RPF2: variants seen among roughly 807,000 people sequenced by gnomAD.
The protein encoded by RPF2 is brix domain containing 1.
In RPF2, 21 loss-of-function variants were observed where a neutral mutation model predicts 38.9. The observed-to-expected ratio is 0.54, with a 90% CI of 0.38 to 0.78. RPF2 has a LOEUF of 0.78. Among genes scored for constraint, RPF2 ranks in the 30% least tolerant of loss-of-function variants. RPF2 has a pLI of 0.00. For missense variants in RPF2, 314 were observed against 358.1 expected, an observed-to-expected ratio of 0.88 and a Z score of 0.99; for synonymous variants, 121 against 126.2, an observed-to-expected ratio of 0.96 and a Z score of 0.28.
chr6:111,025,580 TGATG>T lies in RPF2; in HGVS notation c.*1_*4del. ...AAAGTCAAAAAGAATTAAAAAAAAT[TGATG>T]GAACTTAGCCAGCCACTACTGTTTC... is the stretch of plus-strand genomic sequence containing the variant. On this transcript the variant is annotated stop_retained_variant and 3_prime_UTR_variant, in exon 10 of 10. Coordinates refer to ENST00000441448, the MANE Select transcript of RPF2 (RefSeq NM_032194.3). The T allele has an allele frequency of 6.2e-7, 1 of 1,603,456 alleles. No homozygotes were observed. The highest frequency in any genetic ancestry group is 8.5e-7 in the Non-Finnish European group (1 of 1,176,754).
At chr6:111,023,356 G>A (rs1772266360) in intron 8 of RPF2, among the ~76,000 whole-genome samples, 1 of 152,192 alleles carries the variant, frequency 6.6e-6, no homozygotes, top group South Asian at 2.1e-4. Context: ...GTAAATGTCT[G>A]TGCTATGAGG....
At chr6:111,012,311 C>T (rs1265728730) in intron 7 of RPF2, among the ~76,000 whole-genome samples, 2 of 151,888 alleles carry the variant, frequency 1.3e-5, no homozygotes, top group Non-Finnish European at 2.9e-5. Context: ...GCTGGGACCA[C>T]AGGTACACGT....
chr6:110,984,816 G>A (rs1164561094), intron 1 of RPF2, among the ~76,000 whole-genome samples, 190 bp from the exon 2 acceptor site: 2 of 151,048 alleles, frequency 1.3e-5, no homozygotes, highest in African/African-American at 4.9e-5. Flanking sequence ...CTCCAGCCTG[G>A]GTGACAGAGT....
chr6:111,007,593 C>A (rs1468246904), intron 6 of RPF2, among the ~76,000 whole-genome samples: 1 of 152,032 alleles, frequency 6.6e-6, no homozygotes, highest in Non-Finnish European at 1.5e-5. Flanking sequence ...TCACAGACAT[C>A]ATTTTGGAAC....
chr6:111,016,168 T>C (rs1474024653), intron 8 of RPF2, among the ~76,000 whole-genome samples: 1 of 152,212 alleles, frequency 6.6e-6, no homozygotes. Flanking sequence ...AATCCTTGGC[T>C]AGGCAAAGCA....
chr6:111,007,592 T>C (rs1771933965), intron 6 of RPF2, among the ~76,000 whole-genome samples: 1 of 152,088 alleles, frequency 6.6e-6, no homozygotes, highest in Non-Finnish European at 1.5e-5. Flanking sequence ...TTCACAGACA[T>C]CATTTTGGAA....
intron 2 of RPF2, among the ~76,000 whole-genome samples, chr6:110,987,363 A>G (rs2114290729): frequency 6.6e-6 from 1 of 152,248 alleles, no homozygotes; most frequent in South Asian, 2.1e-4. Flanking sequence ...CTGGCTTTGA[A>G]TATATTTTAA....
chr6:111,026,049 C>T lies in RPF2; in HGVS notation c.*467C>T, dbSNP rs1373690739. 2.0e-5 allele frequency: 3 copies of T among 152,478 alleles called. No homozygotes were observed. The highest frequency in any genetic ancestry group is 4.8e-5 in the African/African-American group (2 of 41,422). The allele number at this position is 152,478 out of a possible 1,614,324, so 9.4% of individuals were successfully genotyped here. A position where few individuals can be genotyped will look rare whatever the true frequency, so the allele number is the denominator to read the frequency against. On this transcript the variant is annotated 3_prime_UTR_variant, in exon 10 of 10. Coordinates refer to ENST00000441448, the MANE Select transcript of RPF2 (RefSeq NM_032194.3). ...TTTTGCCTGAAATCCTACTCGTTGACATTTGAGATTTTAAGCTTTGTGGCT... is the reference window on the plus strand; with the variant it reads ...TTTTGCCTGAAATCCTACTCGTTGATATTTGAGATTTTAAGCTTTGTGGCT...
intron 2 of RPF2, among the ~76,000 whole-genome samples, chr6:110,988,510 A>C (rs1228592987): frequency 2.0e-5 from 3 of 150,334 alleles, no homozygotes; most frequent in Admixed American, 6.7e-5. Context: ...ATCACGGTTC[A>C]CCACAGCCTC....
intron 2 of RPF2, 64 bp from the exon 3 acceptor site, chr6:110,988,964 T>C: frequency 6.4e-7 from 1 of 1,551,972 alleles, no homozygotes; most frequent in Non-Finnish European, 8.7e-7. Context: ...GTTATGATGC[T>C]TTATTTTTAT....
At position 111,020,063 on chromosome 6, in the gene RPF2, C is replaced by T. The variant is rs1327022902; in HGVS notation, c.597-4120C>T. On this transcript the variant is annotated intron_variant, in intron 8 of 9. Coordinates refer to ENST00000441448, the MANE Select transcript of RPF2 (RefSeq NM_032194.3). ...CCAAGTAGCTGGAACTACTGGCACCCGCCACCACGCCCGGCTAATTTTATT... is the reference window on the plus strand; with the variant it reads ...CCAAGTAGCTGGAACTACTGGCACCTGCCACCACGCCCGGCTAATTTTATT... Among the ~76,000 whole-genome samples, 5 of 151,792 alleles carry T rather than the reference C, an allele frequency of 3.3e-5. No individual in the cohort carries two copies. The South Asian group carries it at 6.3e-4, about 19-fold the overall frequency.
chr6:111,000,649 T>C (rs1437666807), intron 6 of RPF2, among the ~76,000 whole-genome samples: 2 of 152,202 alleles, frequency 1.3e-5, no homozygotes, highest in Non-Finnish European at 2.9e-5. Flanking sequence ...TGGGTACAAA[T>C]TGGGCTTCTG....
At chr6:111,014,141 GTT>G (rs112613781) in intron 7 of RPF2, among the ~76,000 whole-genome samples, 4 of 137,606 alleles carry the variant, frequency 2.9e-5, no homozygotes, top group Non-Finnish European at 4.7e-5. Context: ...TGTTTTTTGG[GTT>G]TTTTTTTTTT....
chr6:110,991,913 G>A, intron 4 of RPF2, 127 bp downstream of exon 4: 1 of 349,840 alleles, frequency 2.9e-6, no homozygotes, highest in Non-Finnish European at 5.4e-6. Context: ...GGAATTTTGT[G>A]TAAAATGGAG....
At position 111,015,776 on chromosome 6, in the gene RPF2, A is replaced by T. The variant is rs769064933; in HGVS notation, c.516A>T (p.Val172=). The T allele has an allele frequency of 1.2e-6, 2 of 1,611,362 alleles. No homozygotes were observed. Among genetic ancestry groups the T allele is most frequent in the Admixed American group, 3.3e-5 (2 of 60,004 alleles). The change falls in exon 8 of 10, where the codon GTA becomes GTT. Residue 172 remains valine, a synonymous_variant. Coordinates refer to ENST00000441448, the MANE Select transcript of RPF2 (RefSeq NM_032194.3). ...TAGATTTCTTCAGAGGCCCCACAGT[A>T]TCAAATATCCGCCTGGCTGGATTAG... ...LLIDFFRGPT[V]SNIRLAGLEY...
At chr6:111,008,015 T>C (rs1771944669) in intron 6 of RPF2, 23 bp from the exon 7 acceptor site, 6 of 1,532,834 alleles carry the variant, frequency 3.9e-6, no homozygotes, top group Non-Finnish European at 3.5e-6. Context: ...AATTATATAA[T>C]TGCTTTTTTT....
chr6:110,989,826 T>C (rs1399538961), intron 3 of RPF2, among the ~76,000 whole-genome samples: 1 of 152,252 alleles, frequency 6.6e-6, no homozygotes, highest in Non-Finnish European at 1.5e-5. Flanking sequence ...TTTCACCATG[T>C]TGGCCAGGCT....
chr6:111,026,556 T>G lies in RPF2; in HGVS notation c.*974T>G, dbSNP rs1004539744. The G allele has an allele frequency of 1.3e-5, 2 of 152,272 alleles. No homozygotes were observed. The highest frequency in any genetic ancestry group is 4.8e-5 in the African/African-American group (2 of 41,440). The allele number at this position is 152,272 out of a possible 1,614,324, so 9.4% of individuals were successfully genotyped here. On this transcript the variant is annotated 3_prime_UTR_variant, in exon 10 of 10. Coordinates refer to ENST00000441448, the MANE Select transcript of RPF2 (RefSeq NM_032194.3). ...GAAAAAGGAGAAAACAGGTGAGTTT[T>G]AAGGTGCAGGGCACTTTAGGGTACT...
intron 7 of RPF2, among the ~76,000 whole-genome samples, chr6:111,013,016 A>G (rs2114338611): frequency 6.6e-6 from 1 of 152,322 alleles, no homozygotes; most frequent in East Asian, 1.9e-4. Flanking sequence ...TATCAAGTTC[A>G]TAAAGTTATT....
Sources: gnomAD v4.1 joint callset for allele counts (sites outside exome capture counted in the v4.1 genomes callset) on GRCh38, gnomAD v4.1.1 for gene constraint, MANE v1.5 for transcripts, NCBI Gene and HGNC (gene_info 2026-07-23, HGNC 2026-07-21) for gene names.